ZNF469: variants seen among roughly 807,000 people sequenced by gnomAD.
ZNF469 encodes zinc finger protein 469.
Under a neutral mutation model 1.0 loss-of-function variants are expected in ZNF469, and 1 was observed. The observed-to-expected ratio is 1.00, with a 90% confidence interval of 0.35 to 4.73. ZNF469 has a LOEUF of 4.73. ZNF469 is among the 30% of genes most tolerant of loss of function. ZNF469 has a pLI of 0.16. For missense variants in ZNF469, 6,100 were observed against 5,356.3 expected (o/e 1.14, Z -4.33); for synonymous variants, 2,703 against 2,363.4 (o/e 1.14, Z -4.17).
the ZNF469 span, among the ~76,000 whole-genome samples, chr16:88,353,367 T>C: frequency 6.6e-6 from 1 of 152,118 alleles, no homozygotes; most frequent in Non-Finnish European, 1.5e-5. Flanking sequence ...ACAGTGTCAC[T>C]ACTCCCATGC....
chr16:88,408,854 T>C (rs1213452395), intron 1 of ZNF469, among the ~76,000 whole-genome samples: 2 of 152,166 alleles, frequency 1.3e-5, no homozygotes, highest in African/African-American at 4.8e-5. Flanking sequence ...CCCTGGCAGA[T>C]ATCCCTCTTT....
the ZNF469 span, among the ~76,000 whole-genome samples, chr16:88,338,191 G>C: frequency 1.3e-5 from 2 of 151,764 alleles, no homozygotes; most frequent in South Asian, 4.1e-4. Flanking sequence ...ACCCTCCGGC[G>C]CCTCCAATCG....
At chr16:88,143,143 G>T in the ZNF469 span, among the ~76,000 whole-genome samples, 10 of 152,116 alleles carry the variant, frequency 6.6e-5, no homozygotes, top group Admixed American at 2.0e-4. Flanking sequence ...GGGGGGTGGG[G>T]GGCTCAGCGG....
the ZNF469 span, among the ~76,000 whole-genome samples, chr16:88,304,671 A>C: frequency 6.6e-6 from 1 of 152,184 alleles, no homozygotes; most frequent in South Asian, 2.1e-4. Context: ...GGCAAACACT[A>C]ACCCAATGCA....
the ZNF469 span, among the ~76,000 whole-genome samples, chr16:88,175,684 A>T: frequency 6.6e-6 from 1 of 152,266 alleles, no homozygotes; most frequent in African/African-American, 2.4e-5. Context: ...TATAGAGTTC[A>T]GTTAAAGCCG....
At position 88,436,209 on chromosome 16, in the gene ZNF469, C is replaced by T. The variant is rs774404190; in HGVS notation, c.8739C>T (p.Ser2913=). 19 of 1,548,346 alleles carry T rather than the reference C, an allele frequency of 1.2e-5. No homozygotes were observed. The highest frequency in any genetic ancestry group is 1.2e-4 in the East Asian group (5 of 40,928). ...LGPARLPTDL[S]DSSSLCLCHE... is the part of the protein sequence containing the mutation. ...CAGCCCGCCTGCCCACGGACCTCAG[C>T]GACTCCAGCTCCCTCTGCCTCTGCC... is the stretch of plus-strand genomic sequence containing the variant. The change falls in exon 3 of 3, where the codon AGC becomes AGT. Residue 2913 remains serine (S), a synonymous_variant. Coordinates refer to ENST00000565624, the MANE Select transcript of ZNF469 (RefSeq NM_001367624.2).
chr16:88,243,009 G>C, the ZNF469 span, among the ~76,000 whole-genome samples: 12,960 of 152,172 alleles, frequency 0.085, 1,827 homozygotes, highest in African/African-American at 0.3. Flanking sequence ...TGCGGTGGGG[G>C]ATGTCTACCC....
At chr16:88,186,615 G>A in the ZNF469 span, among the ~76,000 whole-genome samples, 13 of 152,162 alleles carry the variant, frequency 8.5e-5, no homozygotes, top group Non-Finnish European at 1.6e-4. Flanking sequence ...AGTGTCGGGC[G>A]CGGGTGCTCC....
At chr16:88,418,161 C>T (rs561118763) in intron 1 of ZNF469, among the ~76,000 whole-genome samples, 14 of 152,334 alleles carry the variant, frequency 9.2e-5, no homozygotes, top group Middle Eastern at 3.4e-3. Flanking sequence ...AGAAGACCTG[C>T]GGCCCCAACC....
chr16:88,232,270 A>G, the ZNF469 span, among the ~76,000 whole-genome samples: 1 of 152,330 alleles, frequency 6.6e-6, no homozygotes, highest in Non-Finnish European at 1.5e-5. Flanking sequence ...CTGCACAGCC[A>G]TCGGGCTGTT....
Position 88,432,150 on chromosome 16 carries a change from T to C in ZNF469, c.4680T>C (p.Asp1560=). 1.3e-6 allele frequency: 2 copies of C among 1,550,292 alleles called. No homozygotes were observed. Among genetic ancestry groups the C allele is most frequent in the Non-Finnish European group, 1.7e-6 (2 of 1,146,978 alleles). ...CTCTTATGAGTCACCTGTCCGAGGA[T>C]GAACTGGAGATCCAGAAATTGGTCA... is the stretch of plus-strand genomic sequence containing the variant. ...SVALMSHLSE[D]ELEIQKLVTE... Residue 1560 remains aspartate, a synonymous_variant, in exon 3 of 3, where the codon GAT becomes GAC. Coordinates refer to ENST00000565624, the MANE Select transcript of ZNF469 (RefSeq NM_001367624.2).
chr16:88,374,392 G>A, the ZNF469 span, among the ~76,000 whole-genome samples: 103 of 152,334 alleles, frequency 6.8e-4, 1 homozygote, highest in African/African-American at 2.3e-3. Flanking sequence ...AGTGAGGTGC[G>A]GGAGACTAGG....
chr16:88,199,559 C>G, the ZNF469 span, among the ~76,000 whole-genome samples: 1 of 152,220 alleles, frequency 6.6e-6, no homozygotes, highest in Non-Finnish European at 1.5e-5. Flanking sequence ...GCCCGCTCTC[C>G]TCTGACATTC....
chr16:88,253,585 T>A, the ZNF469 span, among the ~76,000 whole-genome samples: 2 of 151,178 alleles, frequency 1.3e-5, no homozygotes. Flanking sequence ...TTGCCCAGGC[T>A]GCAGTGTAAT....
At chr16:88,393,061 C>T (rs1904533396) in intron 1 of ZNF469, among the ~76,000 whole-genome samples, 1 of 152,276 alleles carries the variant, frequency 6.6e-6, no homozygotes, top group African/African-American at 2.4e-5. Flanking sequence ...TTGGTCTCTG[C>T]AATCTCAGTA....
At chr16:88,369,342 G>A in the ZNF469 span, among the ~76,000 whole-genome samples, 19 of 152,330 alleles carry the variant, frequency 1.2e-4, no homozygotes, top group South Asian at 8.3e-4. Context: ...TCCACCTGTT[G>A]GGACTAAAGC....
At chr16:88,371,933 TCACCACCATCATCACC>T in the ZNF469 span, among the ~76,000 whole-genome samples, 158 of 5,620 alleles carry the variant, frequency 0.028, 1 homozygote, top group Middle Eastern at 0.1. Flanking sequence ...ACCATCACCA[TCACCACCATCATCACC>T]ATCACCACCA....
chr16:88,114,100 C>T, the ZNF469 span, among the ~76,000 whole-genome samples: 1 of 152,114 alleles, frequency 6.6e-6, no homozygotes, highest in Non-Finnish European at 1.5e-5. Flanking sequence ...AGTCCCTCCA[C>T]CTCTCTGTGC....
the ZNF469 span, among the ~76,000 whole-genome samples, chr16:88,293,860 GA>G: frequency 6.6e-6 from 1 of 152,182 alleles, no homozygotes; most frequent in East Asian, 1.9e-4. Flanking sequence ...AGCTGATCGG[GA>G]AAGGTTTCTC....
Sources: allele counts gnomAD v4.1 joint callset (sites outside exome capture counted in the v4.1 genomes callset), GRCh38; gene constraint gnomAD v4.1.1; transcripts MANE v1.5; gene names NCBI Gene and HGNC (gene_info 2026-07-23, HGNC 2026-07-21).